The following TEAD1 variants were observed in gnomAD, a reference collection of about 807,000 sequenced individuals.
The protein encoded by TEAD1 is TEA domain transcription factor 1.
A neutral mutation model predicts 54.9 loss-of-function variants in TEAD1; 9 were observed. That is an observed-to-expected ratio of 0.16 (90% CI 0.10 to 0.29). The LOEUF (loss-of-function observed/expected upper bound fraction) is 0.29. Among genes scored for constraint, TEAD1 ranks in the 10% least tolerant of loss-of-function variants. The pLI is 1.00. For synonymous variants in TEAD1, 200 were observed against 187.8 expected (o/e 1.07, Z -0.53); for missense variants, 387 against 535.9 (o/e 0.72, Z 2.74).
chr11:12,775,973 G>A (rs1351703479), intron 3 of TEAD1, among the ~76,000 whole-genome samples: 2 of 144,450 alleles, frequency 1.4e-5, no homozygotes, highest in Non-Finnish European at 2.9e-5. Context: ...TACTGGCGGC[G>A]GGGGGTTCAC....
chr11:12,830,501 G>A (rs1399064388), intron 3 of TEAD1, among the ~76,000 whole-genome samples: 2 of 151,976 alleles, frequency 1.3e-5, no homozygotes, highest in Non-Finnish European at 2.9e-5. Flanking sequence ...CAGGCAGGGA[G>A]TGGTGCCCAG....
intron 9 of TEAD1, among the ~76,000 whole-genome samples, chr11:12,896,750 AAGAT>A (rs1948321787): frequency 1.3e-5 from 2 of 152,292 alleles, no homozygotes; most frequent in Admixed American, 1.3e-4. Context: ...TTATTTGGGA[AAGAT>A]AGAATTCTAA....
intron 2 of TEAD1, among the ~76,000 whole-genome samples, chr11:12,737,826 G>A (rs1944568405): frequency 6.6e-6 from 1 of 152,188 alleles, no homozygotes; most frequent in Non-Finnish European, 1.5e-5. Flanking sequence ...TGATGTATTA[G>A]TCCATTTTTA....
At chr11:12,911,727 C>G (rs1384142086) in intron 10 of TEAD1, among the ~76,000 whole-genome samples, 1 of 147,970 alleles carries the variant, frequency 6.8e-6, no homozygotes, top group Non-Finnish European at 1.5e-5. Flanking sequence ...CTATTGTAAG[C>G]ACAGGAAGAG....
intron 2 of TEAD1, among the ~76,000 whole-genome samples, chr11:12,714,195 C>T (rs7928491): frequency 0.11 from 17,385 of 152,000 alleles, 3,346 homozygotes; most frequent in African/African-American, 0.4. Flanking sequence ...GGTTCCCAAG[C>T]AGTCACATCC....
chr11:12,915,415 C>T (rs1427697982), intron 10 of TEAD1, among the ~76,000 whole-genome samples: 1 of 152,220 alleles, frequency 6.6e-6, no homozygotes, highest in Non-Finnish European at 1.5e-5. Context: ...TAGCACCCGC[C>T]TCCAAGGACT....
rs60042137 is a variant in TEAD1, at chr11:12,908,883, G to GTTTTTTTTTTTTTT, written c.873+6783_873+6784insTTTTTTTTTTTTTT. Among the ~76,000 whole-genome samples the GTTTTTTTTTTTTTT allele has an allele frequency of 5.0e-4, 50 of 99,664 alleles. 1 individual carries two copies. The highest frequency in any genetic ancestry group is 1.6e-3 in the African/African-American group (50 of 31,382). 65.4% of individuals were successfully genotyped at this position (99,664 alleles called of 152,430 possible). On this transcript the variant is annotated intron_variant, in intron 10 of 12. Transcript: ENST00000527636. ...TATGTCAGTATACTTCAAATTATCT[G>GTTTTTTTTTTTTTT]TTTTTTTTTTTTTGAGACAGTGTTG...
At chr11:12,797,573 T>A (rs1259441836) in intron 3 of TEAD1, among the ~76,000 whole-genome samples, 1 of 151,896 alleles carries the variant, frequency 6.6e-6, no homozygotes, top group African/African-American at 2.4e-5. Flanking sequence ...TTTTTTTTTT[T>A]AAACTAACCT....
chr11:12,839,350 G>T lies in TEAD1; in HGVS notation c.203-22900G>T, dbSNP rs190893696. 1.1e-4 allele frequency among the ~76,000 whole-genome samples: 16 copies of T among 152,316 alleles called. No individual in the cohort carries two copies. The East Asian group carries it at 3.1e-3, about 29-fold the overall frequency. ...TGCTTGAACCTGGGAAGTGGAGGCTGCAGTGAGTCAAGAGCGTGACACTGT... is the reference window on the plus strand; with the variant it reads ...TGCTTGAACCTGGGAAGTGGAGGCTTCAGTGAGTCAAGAGCGTGACACTGT... On this transcript the variant is annotated intron_variant, in intron 3 of 12. Coordinates refer to ENST00000527636, the MANE Select transcript of TEAD1 (RefSeq NM_021961.6).
At chr11:12,718,068 C>G (rs1016261794) in intron 2 of TEAD1, among the ~76,000 whole-genome samples, 1 of 152,140 alleles carries the variant, frequency 6.6e-6, no homozygotes, top group Non-Finnish European at 1.5e-5. Flanking sequence ...TTTTCTTAGC[C>G]TCTAACCTCA....
chr11:12,796,436 A>C (rs1340951387), intron 3 of TEAD1, among the ~76,000 whole-genome samples: 1 of 152,210 alleles, frequency 6.6e-6, no homozygotes, highest in Non-Finnish European at 1.5e-5. Context: ...GATGTTTAGC[A>C]ATTCTTAGGC....
chr11:12,901,674 G>C (rs1261651943), intron 9 of TEAD1, among the ~76,000 whole-genome samples: 2 of 152,172 alleles, frequency 1.3e-5, no homozygotes, highest in African/African-American at 4.8e-5. Context: ...GGTAACTTAA[G>C]CTGTTGTTAT....
Position 12,902,642 on chromosome 11 carries a change from C to T in TEAD1, c.873+529C>T, listed in dbSNP as rs148412813. On this transcript the variant is annotated intron_variant, in intron 10 of 12. Coordinates refer to ENST00000527636, the MANE Select transcript of TEAD1 (RefSeq NM_021961.6). ...ATGTGTGTGTGCTAAGGGATTGGGGCACCAGATAACCTGCTAGCGCTGCGA... is the reference window on the plus strand; with the variant it reads ...ATGTGTGTGTGCTAAGGGATTGGGGTACCAGATAACCTGCTAGCGCTGCGA... Among the ~76,000 whole-genome samples, 107 of 152,280 alleles carry T rather than the reference C, an allele frequency of 7.0e-4. 1 individual carries two copies. The highest frequency in any genetic ancestry group is 1.1e-3 in the Non-Finnish European group (76 of 68,026).
intron 3 of TEAD1, among the ~76,000 whole-genome samples, chr11:12,803,158 G>A (rs1946098623): frequency 6.7e-6 from 1 of 150,206 alleles, no homozygotes. Flanking sequence ...GCCCTGAATT[G>A]TGAGGATTTT....
intron 2 of TEAD1, among the ~76,000 whole-genome samples, chr11:12,743,763 G>T (rs1030615540): frequency 6.6e-5 from 10 of 152,300 alleles, no homozygotes; most frequent in South Asian, 4.1e-4. Context: ...ACCCATGAAC[G>T]GGGTGGTATT....
chr11:12,769,291 A>G (rs984789650), intron 3 of TEAD1, among the ~76,000 whole-genome samples: 10 of 152,170 alleles, frequency 6.6e-5, no homozygotes, highest in African/African-American at 2.2e-4. Context: ...GCCCACCAGG[A>G]CAGCATAGGA....
intron 5 of TEAD1, among the ~76,000 whole-genome samples, chr11:12,867,165 C>T (rs916766537): frequency 2.0e-5 from 3 of 152,120 alleles, no homozygotes; most frequent in Non-Finnish European, 2.9e-5. Context: ...GATTTGAACT[C>T]AGATCTTTTT....
chr11:12,870,585 T>A (rs548925981), intron 5 of TEAD1, among the ~76,000 whole-genome samples: 1 of 152,248 alleles, frequency 6.6e-6, no homozygotes, highest in East Asian at 1.9e-4. Flanking sequence ...TTGGGGCATT[T>A]TCAAAATATC....
At chr11:12,919,218 C>A (rs1200511059) in intron 10 of TEAD1, among the ~76,000 whole-genome samples, 1 of 152,088 alleles carries the variant, frequency 6.6e-6, no homozygotes, top group African/African-American at 2.4e-5. Context: ...TTGAATAATT[C>A]TATCATTGTA....
Sources: gnomAD v4.1 joint callset for allele counts (sites outside exome capture counted in the v4.1 genomes callset) on GRCh38, gnomAD v4.1.1 for gene constraint, MANE v1.5 for transcripts, NCBI Gene and HGNC (gene_info 2026-07-23, HGNC 2026-07-21) for gene names.